The following CERS1 variants were observed in gnomAD, a reference collection of about 807,000 sequenced individuals.
The protein encoded by CERS1 is Embryonic growth/differentiation factor 1.
Under a neutral mutation model 35.7 loss-of-function variants are expected in CERS1, and 16 were observed. The ratio of observed to expected loss-of-function variants is 0.45; its 90% CI spans 0.30 to 0.68. The LOEUF is 0.68. Among genes scored for constraint, CERS1 ranks in the 30% least tolerant of loss-of-function variants. CERS1 has a pLI of 0.08. For synonymous variants in CERS1, 243 were observed against 201.6 expected (o/e 1.21, Z -1.74); for missense variants, 454 against 453.9 (o/e 1.00, Z 0.00).
rs375792108 is a variant in CERS1 at position 18,893,399 on chromosome 19, C to T, written c.409+17G>A. The T allele has an allele frequency of 2.5e-6, 4 of 1,591,840 alleles. No individual in the cohort carries two copies. The African/African-American group carries it at 5.4e-5, about 21-fold the overall frequency. On this transcript the variant is annotated intron_variant, in intron 2 of 7. Coordinates refer to ENST00000623882, the MANE Select transcript of CERS1 (RefSeq NM_021267.5). ...TTTTAAGCAGAGCCCTCCCGGCCAT[C>T]CCCTCAGGGCCCCTACCGTAGAAGA... is the stretch of plus-strand genomic sequence containing the variant.
At chr19:18,874,620 G>A (rs1338566695) in intron 6 of CERS1, among the ~76,000 whole-genome samples, 3 of 152,228 alleles carry the variant, frequency 2.0e-5, no homozygotes, top group African/African-American at 4.8e-5. Context: ...AGGGCAATGG[G>A]GACTTTGGAC....
intron 2 of CERS1, among the ~76,000 whole-genome samples, chr19:18,888,163 C>G (rs1364373408): frequency 6.6e-6 from 1 of 152,080 alleles, no homozygotes; most frequent in African/African-American, 2.4e-5. Flanking sequence ...AGTTCAAGAC[C>G]AGCCTGGCCA....
At chr19:18,888,523 A>C in intron 2 of CERS1, among the ~76,000 whole-genome samples, 1 of 145,834 alleles carries the variant, frequency 6.9e-6, no homozygotes, top group Admixed American at 6.9e-5. Context: ...GTCTCTTAAA[A>C]AAAAAAAAAA....
chr19:18,877,557 G>T (rs1390205884), intron 6 of CERS1, among the ~76,000 whole-genome samples: 5 of 152,080 alleles, frequency 3.3e-5, no homozygotes, highest in African/African-American at 1.2e-4. Flanking sequence ...TTTGAGACCA[G>T]CCTGAGCAAC....
chr19:18,878,852 TGGG>T lies in CERS1; in HGVS notation c.1010+75_1010+77del. ...GTCGGCCTCATCTGCTGCTGGGTCT[TGGG>T]GGCCTGCCCACGAACACGCTTGGAC... On this transcript the variant is annotated intron_variant, in intron 6 of 7. Transcript: ENST00000623882. This position sits in a 1 kb window ranked among gnomAD's most constrained non-coding sequence, Gnocchi z 4.6. 1 of 1,559,818 alleles carries T rather than the reference TGGG, an allele frequency of 6.4e-7. No individual in the cohort carries two copies.
At position 18,868,795 on chromosome 19, in the gene CERS1, C is replaced by A; in HGVS notation, c.*1190G>T. On this transcript the variant is annotated 3_prime_UTR_variant, in exon 8 of 8. Coordinates refer to ENST00000623882, the MANE Select transcript of CERS1 (RefSeq NM_021267.5). Reference sequence around the variant, plus strand: ...TGAGCGCCGGCGGCCCCCCGGACCCCGACAGCGCGACGGGCAGCGCGCACT... The same window carrying A: ...TGAGCGCCGGCGGCCCCCCGGACCCAGACAGCGCGACGGGCAGCGCGCACT... 1 of 1,457,730 alleles carries A rather than the reference C, an allele frequency of 6.9e-7. No individual in the cohort carries two copies. The highest frequency in any genetic ancestry group is 9.1e-7 in the Non-Finnish European group (1 of 1,094,878). The allele number at this position is 1,457,730 out of a possible 1,614,324, so 90.3% of individuals were successfully genotyped here. A position where few individuals can be genotyped will look rare whatever the true frequency, so the allele number is the denominator to read the frequency against.
chr19:18,873,862 A>C (rs2056017877), intron 6 of CERS1, among the ~76,000 whole-genome samples: 2 of 150,284 alleles, frequency 1.3e-5, no homozygotes, highest in African/African-American at 4.9e-5. Flanking sequence ...AAAAAGAAGA[A>C]GAAGGGGAGG....
In CERS1 at chr19:18,886,098, GACACCAA is replaced by G. The variant is rs1366217085; in HGVS notation, c.410-1838_410-1832del. Among the ~76,000 whole-genome samples, 732 of 151,520 alleles carry G rather than the reference GACACCAA, an allele frequency of 4.8e-3. 15 individuals carry two copies. Among genetic ancestry groups the G allele is most frequent in the African/African-American group, 0.017 (712 of 40,878 alleles). On this transcript the variant is annotated intron_variant, in intron 2 of 7. Transcript: ENST00000623882. The stretch of plus-strand genomic sequence containing the variant: ...TCAGCCACATCCCCAGAGGCTGCCA[GACACCAA>G]ATTCAAGGGCTATGCTCTGGACGGG...
Position 18,879,028 on chromosome 19 carries a change from C to A in CERS1, c.912G>T (p.Ala304=). 1 of 1,613,632 alleles carries A rather than the reference C, an allele frequency of 6.2e-7. No individual in the cohort carries two copies. Among genetic ancestry groups the A allele is most frequent in the South Asian group, 1.1e-5 (1 of 91,086 alleles). The change falls in exon 6 of 8, where the codon GCG becomes GCT. Residue 304 remains alanine (A), a synonymous_variant. Coordinates refer to ENST00000623882, the MANE Select transcript of CERS1 (RefSeq NM_021267.5). ...MNLYWFLYIV[A]FAAKVLTGQV... is the part of the protein sequence containing the mutation. ...GGCCTGTCAACACCTTGGCTGCAAA[C>A]GCCACGATGTACTGCGAGAGGGGAG...
chr19:18,869,546 C>A (rs2055924266), intron 7 of CERS1, among the ~76,000 whole-genome samples, 156 bp from the exon 8 acceptor site: 2 of 123,764 alleles, frequency 1.6e-5, no homozygotes, highest in South Asian at 2.5e-4. Context: ...GGAGTGGGGG[C>A]AGGGCATGAG....
intron 7 of CERS1, 71 bp from the exon 8 acceptor site, chr19:18,869,461 C>T (rs2055922040): frequency 6.7e-7 from 1 of 1,496,960 alleles, no homozygotes; most frequent in Admixed American, 2.2e-5. Context: ...CGGTTAGGGA[C>T]AGGGAGGAAG....
intron 2 of CERS1, among the ~76,000 whole-genome samples, chr19:18,886,023 G>A (rs1489186998): frequency 6.6e-6 from 1 of 152,130 alleles, no homozygotes; most frequent in East Asian, 1.9e-4. Context: ...CCACGCTCAG[G>A]TGATGGGTGA....
chr19:18,877,263 A>G (rs1422736195), intron 6 of CERS1, among the ~76,000 whole-genome samples: 2 of 152,216 alleles, frequency 1.3e-5, no homozygotes, highest in Non-Finnish European at 2.9e-5. Context: ...GGACAGAGCC[A>G]GACACTGGTG....
At chr19:18,872,710 T>TAGTATA (rs2055996054) in intron 6 of CERS1, among the ~76,000 whole-genome samples, 1 of 45,102 alleles carries the variant, frequency 2.2e-5, no homozygotes, top group Non-Finnish European at 4.9e-5. Context: ...GAGATGCGGT[T>TAGTATA]TTACCATGTT....
In CERS1 at chr19:18,878,762, G is replaced by A. The variant is rs1415446344; in HGVS notation, c.1010+168C>T. The A allele has an allele frequency of 6.3e-6, 9 of 1,437,624 alleles. No individual in the cohort carries two copies. Among genetic ancestry groups the A allele is most frequent in the Non-Finnish European group, 8.2e-6 (9 of 1,094,446 alleles). The allele number at this position is 1,437,624 out of a possible 1,614,324, so 89.1% of individuals were successfully genotyped here. On this transcript the variant is annotated intron_variant, in intron 6 of 7. Coordinates refer to ENST00000623882, the MANE Select transcript of CERS1 (RefSeq NM_021267.5). This position sits in a 1 kb window ranked among gnomAD's most constrained non-coding sequence, Gnocchi z 4.6. ...TCACTGTCCTGTCCTTCAGGGTACT[G>A]GCCACATCGTCCACGCCTTTATTGC... is the stretch of plus-strand genomic sequence containing the variant.
intron 6 of CERS1, among the ~76,000 whole-genome samples, chr19:18,873,373 G>C (rs2056008360): frequency 6.6e-6 from 1 of 152,062 alleles, no homozygotes; most frequent in South Asian, 2.1e-4. Context: ...CAGGAGGCCA[G>C]AGAGACAGAG....
intron 6 of CERS1, among the ~76,000 whole-genome samples, chr19:18,876,952 C>A (rs2056070701): frequency 6.6e-6 from 1 of 152,198 alleles, no homozygotes; most frequent in Admixed American, 6.5e-5. Flanking sequence ...TCTCCTCTGA[C>A]CCTGGATTGT....
chr19:18,877,954 A>C (rs2056091514), intron 6 of CERS1: 17 of 984,200 alleles, frequency 1.7e-5, no homozygotes, highest in African/African-American at 3.5e-5. Flanking sequence ...ATCTACACCC[A>C]AGGCGAATCT....
At position 18,870,310 on chromosome 19, in the gene CERS1, T is replaced by G. The variant is rs1423786669; in HGVS notation, c.*267A>C. On this transcript the variant is annotated 3_prime_UTR_variant, in exon 7 of 8. Coordinates refer to ENST00000623882, the MANE Select transcript of CERS1 (RefSeq NM_021267.5). The surrounding 1 kb of genome is among the most constrained non-coding windows in gnomAD (Gnocchi z 5.1). ...GGACCTTGCTGCGGCGGTGGCATCT[T>G]CCTCCCAGGCGATGACCAGAGAGTG... is the stretch of plus-strand genomic sequence containing the variant. 3 of 1,544,686 alleles carry G rather than the reference T, an allele frequency of 1.9e-6. No individual in the cohort carries two copies. The highest frequency in any genetic ancestry group is 2.6e-6 in the Non-Finnish European group (3 of 1,146,324).
Sources: gnomAD v4.1 joint callset for allele counts (sites outside exome capture counted in the v4.1 genomes callset) on GRCh38, gnomAD v4.1.1 for gene constraint, Gnocchi (gnomAD v3.1) non-coding constraint, MANE v1.5 for transcripts, NCBI Gene and HGNC (gene_info 2026-07-23, HGNC 2026-07-21) for gene names.